ATF2: variants seen among roughly 807,000 people sequenced by gnomAD.
ATF2 encodes cyclic AMP-dependent transcription factor ATF-2.
ATF2 carries 24 observed loss-of-function variants against 60.6 expected under a neutral mutation model. That is an observed-to-expected ratio of 0.40 (90% CI 0.29 to 0.56). The LOEUF is 0.56. ATF2 is among the 20% of genes least tolerant of loss of function. ATF2 has a pLI of 0.54. For missense variants in ATF2, 433 were observed against 607.7 expected, an observed-to-expected ratio of 0.71 and a Z score of 3.02; for synonymous variants, 206 against 215.4, an observed-to-expected ratio of 0.96 and a Z score of 0.38.
At chr2:175,083,511 T>C (rs890066249) in intron 12 of ATF2, among the ~76,000 whole-genome samples, 1 of 152,198 alleles carries the variant, frequency 6.6e-6, no homozygotes, top group African/African-American at 2.4e-5. Flanking sequence ...GATTAAAGAC[T>C]TTAAGGTTAG....
intron 12 of ATF2, among the ~76,000 whole-genome samples, chr2:175,083,327 C>T (rs1427588419): frequency 6.6e-6 from 1 of 152,072 alleles, no homozygotes; most frequent in African/African-American, 2.4e-5. Context: ...GAATAGAGCC[C>T]TCAGAAATAA....
rs111779070 is a variant in ATF2 at position 175,081,823 on chromosome 2, G to A, written c.1186-1058C>T. Among the ~76,000 whole-genome samples the A allele has an allele frequency of 3.0e-3, 454 of 152,354 alleles. 6 individuals are homozygous for A. Among genetic ancestry groups the A allele is most frequent in the African/African-American group, 0.011 (441 of 41,584 alleles). ...CCCAGCACTTTGGGAGGCCGAGGCA[G>A]TTGTATCACTTGAGGTCAGGAGTTC... On this transcript the variant is annotated intron_variant, in intron 12 of 13. Coordinates refer to ENST00000264110, the MANE Select transcript of ATF2 (RefSeq NM_001880.4).
chr2:175,086,932 G>A (rs912182762), intron 12 of ATF2, among the ~76,000 whole-genome samples: 1 of 151,898 alleles, frequency 6.6e-6, no homozygotes, highest in African/African-American at 2.4e-5. Flanking sequence ...AAATATAATG[G>A]GAAGACTCCT....
chr2:175,165,590 A>G (rs529872829), intron 1 of ATF2, among the ~76,000 whole-genome samples: 1 of 152,358 alleles, frequency 6.6e-6, no homozygotes, highest in African/African-American at 2.4e-5. Flanking sequence ...TTTTTCTACC[A>G]TAGTCATAGA....
At chr2:175,075,159 A>G (rs1693208550) in intron 13 of ATF2, 1 of 957,694 alleles carries the variant, frequency 1.0e-6, no homozygotes, top group African/African-American at 1.7e-5. Context: ...ATCAAACATT[A>G]AGTATCACAT....
At chr2:175,141,705 G>A (rs899864721) in intron 2 of ATF2, among the ~76,000 whole-genome samples, 4 of 151,956 alleles carry the variant, frequency 2.6e-5, no homozygotes, top group African/African-American at 9.7e-5. Flanking sequence ...ATGTCAGCTA[G>A]GAAGGTCTCC....
chr2:175,109,243 A>C (rs1200104227), intron 10 of ATF2, among the ~76,000 whole-genome samples: 1 of 151,648 alleles, frequency 6.6e-6, no homozygotes, highest in Non-Finnish European at 1.5e-5. Flanking sequence ...AGAAACCATT[A>C]AAGTGTCCAT....
rs373281209 is a variant in ATF2 at position 175,078,506 on chromosome 2, GACTA to G, written c.1291+2150_1291+2153del. ...TTTTATATTACTTAACTGTTGGGGT[GACTA>G]ACTGTCATGGTTTTCCCACGACTGA... On this transcript the variant is annotated intron_variant, in intron 13 of 13. Coordinates refer to ENST00000264110, the MANE Select transcript of ATF2 (RefSeq NM_001880.4). Among the ~76,000 whole-genome samples, 367 of 152,220 alleles carry G rather than the reference GACTA, an allele frequency of 2.4e-3. 3 individuals are homozygous for G. Among genetic ancestry groups the G allele is most frequent in the South Asian group, 0.013 (63 of 4,806 alleles).
chr2:175,102,692 C>T (rs1338146759), intron 10 of ATF2, among the ~76,000 whole-genome samples: 6 of 151,652 alleles, frequency 4.0e-5, no homozygotes, highest in African/African-American at 7.3e-5. Context: ...TTGCTTGAGC[C>T]CAGAAGTTTG....
intron 3 of ATF2, 69 bp downstream of exon 3, chr2:175,136,343 C>T (rs1698142754): frequency 7.0e-7 from 1 of 1,431,072 alleles, no homozygotes; most frequent in Non-Finnish European, 9.8e-7. Context: ...CTAATAGAAA[C>T]AAGCTATAAA....
chr2:175,082,251 C>T (rs1345994710), intron 12 of ATF2, among the ~76,000 whole-genome samples: 4 of 152,150 alleles, frequency 2.6e-5, no homozygotes, highest in Admixed American at 2.0e-4. Flanking sequence ...CTCATAATAA[C>T]TCTAAACCGT....
intron 7 of ATF2, among the ~76,000 whole-genome samples, chr2:175,116,647 A>AT (rs112318637): frequency 0.099 from 14,490 of 146,582 alleles, 762 homozygotes; most frequent in Middle Eastern, 0.17. Context: ...AGAGGTCCAG[A>AT]TTTTTTTTTT....
chr2:175,129,190 T>C (rs1246362821), intron 4 of ATF2, among the ~76,000 whole-genome samples: 2 of 152,182 alleles, frequency 1.3e-5, no homozygotes, highest in South Asian at 2.1e-4. Context: ...TGGAGAAATA[T>C]TGAATTATGT....
chr2:175,090,969 A>G (rs1694505222), intron 12 of ATF2, among the ~76,000 whole-genome samples: 1 of 152,184 alleles, frequency 6.6e-6, no homozygotes, highest in Non-Finnish European at 1.5e-5. Context: ...AAGGGCTAAT[A>G]GTGGTAACCA....
At position 175,114,841 on chromosome 2, in the gene ATF2, G is replaced by A. The variant is rs1377522393; in HGVS notation, c.475C>T (p.Pro159Ser). 6.2e-7 allele frequency: 1 copy of A among 1,613,696 alleles called. No individual in the cohort carries two copies. Among genetic ancestry groups the A allele is most frequent in the Non-Finnish European group, 8.5e-7 (1 of 1,179,796 alleles). ...GCTGGACGAACAATAGCTGATGTGG[G>A]CTGTGCAGTTTGTGCCAATGGTACT... ...KEVPLAQTAQ[P>S]TSAIVRPASL... The change falls in exon 8 of 14, where the codon CCC becomes TCC. Residue 159 changes from proline to serine, a missense_variant. This residue lies in a region of ATF2 where 246 missense variants were observed against 309.3 expected (regional missense o/e 0.80). Transcript: ENST00000264110.
At position 175,074,263 on chromosome 2, in the gene ATF2, A is replaced by T. The variant is rs1468657585; in HGVS notation, c.*346T>A. ...GTTAAGGGGTGGTCAAAAGAAATGG[A>T]AGTGGGAAGAAAGATTCAGTAACAC... On this transcript the variant is annotated 3_prime_UTR_variant, in exon 14 of 14. Coordinates refer to ENST00000264110, the MANE Select transcript of ATF2 (RefSeq NM_001880.4). 5.5e-5 allele frequency: 10 copies of T among 183,472 alleles called. No homozygotes were observed. The Admixed American group carries it at 5.5e-4, about 10-fold the overall frequency. The allele number at this position is 183,472 out of a possible 1,614,324, so 11.4% of individuals were successfully genotyped here. A position where few individuals can be genotyped will look rare whatever the true frequency, so the allele number is the denominator to read the frequency against.
chr2:175,139,750 A>T (rs2105777672), intron 2 of ATF2, among the ~76,000 whole-genome samples: 1 of 152,264 alleles, frequency 6.6e-6, no homozygotes, highest in Non-Finnish European at 1.5e-5. Context: ...TAAACAGATG[A>T]TTTTTATTAA....
intron 10 of ATF2, among the ~76,000 whole-genome samples, chr2:175,106,196 C>T (rs1474967731): frequency 6.6e-6 from 1 of 152,064 alleles, no homozygotes; most frequent in African/African-American, 2.4e-5. Flanking sequence ...TAGAAATATA[C>T]GTACCTCTCT....
chr2:175,157,476 C>T (rs1699759096), intron 1 of ATF2, among the ~76,000 whole-genome samples: 2 of 152,178 alleles, frequency 1.3e-5, no homozygotes, highest in South Asian at 4.2e-4. Flanking sequence ...TCTACAGGAA[C>T]CCAAGTGGCC....
Sources: allele counts gnomAD v4.1 joint callset (sites outside exome capture counted in the v4.1 genomes callset), GRCh38; gene constraint gnomAD v4.1.1; regional missense constraint gnomAD v4.1.1; transcripts MANE v1.5; gene names NCBI Gene and HGNC (gene_info 2026-07-23, HGNC 2026-07-21).